The following EPHA3 variants were observed in gnomAD, a reference collection of about 807,000 sequenced individuals.
The protein encoded by EPHA3 is EPH receptor A3.
Under a neutral mutation model 107.1 loss-of-function variants are expected in EPHA3, and 42 were observed. The ratio of observed to expected loss-of-function variants is 0.39; its 90% CI spans 0.31 to 0.51. EPHA3 has a LOEUF of 0.51. Among genes scored for constraint, EPHA3 ranks in the 20% least tolerant of loss-of-function variants. The pLI is 0.78. For missense variants in EPHA3, 1,183 were observed against 1,211.2 expected (o/e 0.98, Z 0.35); for synonymous variants, 461 against 424.8 (o/e 1.09, Z -1.05).
intron 2 of EPHA3, among the ~76,000 whole-genome samples, chr3:89,135,253 A>T (rs965527994): frequency 2.0e-5 from 3 of 152,042 alleles, no homozygotes; most frequent in African/African-American, 7.2e-5. Context: ...CTAGCATACA[A>T]CACCTGATAA....
chr3:89,376,284 A>C (rs1429316528), intron 5 of EPHA3, among the ~76,000 whole-genome samples: 1 of 151,860 alleles, frequency 6.6e-6, no homozygotes, highest in African/African-American at 2.4e-5. Flanking sequence ...ATAAAAGAAT[A>C]CATGAATCTA....
In EPHA3 at chr3:89,381,139, A is replaced by AT. The variant is rs542220320; in HGVS notation, c.1307-14692dup. Among the ~76,000 whole-genome samples the AT allele has an allele frequency of 6.2e-3, 945 of 151,414 alleles. 9 individuals are homozygous for AT. Among genetic ancestry groups the AT allele is most frequent in the African/African-American group, 0.022 (916 of 41,324 alleles). On this transcript the variant is annotated intron_variant, in intron 5 of 16. Transcript: ENST00000336596. ...AGGCACCCGCCACCACGCCTGGCTA[A>AT]TTTTTTGTATTTTTAGTAGAGACGG... is the stretch of plus-strand genomic sequence containing the variant.
At chr3:89,230,923 G>A (rs538267378) in intron 3 of EPHA3, among the ~76,000 whole-genome samples, 34 of 151,478 alleles carry the variant, frequency 2.2e-4, no homozygotes, top group African/African-American at 7.8e-4. Flanking sequence ...TGATGTACAG[G>A]CATGGTCGTG....
intron 15 of EPHA3, among the ~76,000 whole-genome samples, chr3:89,470,163 G>A (rs1027674549): frequency 2.6e-5 from 4 of 151,954 alleles, no homozygotes; most frequent in Non-Finnish European, 4.4e-5. Context: ...TCAAGCATTT[G>A]CAGTGGAATG....
chr3:89,435,091 A>C (rs1709640560), intron 13 of EPHA3, among the ~76,000 whole-genome samples: 1 of 152,120 alleles, frequency 6.6e-6, no homozygotes, highest in South Asian at 2.1e-4. Context: ...CAATTTTTTA[A>C]AAAAACAAAT....
At chr3:89,254,231 ATT>A (rs1201922559) in intron 3 of EPHA3, among the ~76,000 whole-genome samples, 1 of 152,170 alleles carries the variant, frequency 6.6e-6, no homozygotes, top group African/African-American at 2.4e-5. Flanking sequence ...TGGAATTTGC[ATT>A]GTTTAGTTAA....
chr3:89,410,843 G>T (rs1453953413), intron 9 of EPHA3, among the ~76,000 whole-genome samples: 1 of 151,684 alleles, frequency 6.6e-6, no homozygotes, highest in Non-Finnish European at 1.5e-5. Flanking sequence ...AAAGGTAAAG[G>T]GTTTTAGTAC....
chr3:89,314,320 TA>T (rs1706840852), intron 3 of EPHA3, among the ~76,000 whole-genome samples: 2 of 152,080 alleles, frequency 1.3e-5, no homozygotes, highest in Admixed American at 1.3e-4. Context: ...TTTCTTCTCA[TA>T]GTGATGTTAG....
intron 13 of EPHA3, among the ~76,000 whole-genome samples, chr3:89,445,519 C>T (rs1709862304): frequency 6.6e-6 from 1 of 152,118 alleles, no homozygotes; most frequent in Non-Finnish European, 1.5e-5. Context: ...ATAGTAGTAT[C>T]TGGATAAATT....
chr3:89,307,506 G>A (rs1275261220), intron 3 of EPHA3, among the ~76,000 whole-genome samples: 1 of 152,116 alleles, frequency 6.6e-6, no homozygotes, highest in Non-Finnish European at 1.5e-5. Context: ...TTGTCTAAAT[G>A]GTATATATAT....
At chr3:89,188,767 A>G (rs148812511) in intron 2 of EPHA3, among the ~76,000 whole-genome samples, 126 of 152,266 alleles carry the variant, frequency 8.3e-4, no homozygotes, top group African/African-American at 2.9e-3. Context: ...TCTTCTTCAC[A>G]TCATTCACAC....
At chr3:89,185,706 C>T (rs866576253) in intron 2 of EPHA3, among the ~76,000 whole-genome samples, 1 of 152,040 alleles carries the variant, frequency 6.6e-6, no homozygotes, top group South Asian at 2.1e-4. Flanking sequence ...TTCCACACAG[C>T]TCTCCCTTTC....
At chr3:89,307,150 C>T (rs1323253538) in intron 3 of EPHA3, among the ~76,000 whole-genome samples, 2 of 152,082 alleles carry the variant, frequency 1.3e-5, no homozygotes, top group African/African-American at 4.8e-5. Context: ...AAAGCTAGTT[C>T]TCTAAAACAA....
intron 16 of EPHA3, among the ~76,000 whole-genome samples, chr3:89,474,443 C>A (rs1434634412): frequency 1.3e-5 from 2 of 152,094 alleles, no homozygotes; most frequent in African/African-American, 2.4e-5. Flanking sequence ...TTTATAAATT[C>A]TTATTTTAGT....
intron 13 of EPHA3, among the ~76,000 whole-genome samples, chr3:89,434,178 G>C (rs1709621398): frequency 6.6e-6 from 1 of 151,848 alleles, no homozygotes; most frequent in Admixed American, 6.6e-5. Flanking sequence ...TATTCAGTCA[G>C]GTTCTAATTT....
At chr3:89,327,679 AG>A (rs1374437074) in intron 3 of EPHA3, among the ~76,000 whole-genome samples, 1 of 152,112 alleles carries the variant, frequency 6.6e-6, no homozygotes, top group African/African-American at 2.4e-5. Flanking sequence ...AAGTTTTTTT[AG>A]GCATCTTTTC....
chr3:89,356,032 G>A (rs144681692), intron 5 of EPHA3, among the ~76,000 whole-genome samples: 5,099 of 124,580 alleles, frequency 0.041, 329 homozygotes, highest in African/African-American at 0.15. Flanking sequence ...CCCTTCCTGT[G>A]TCCATGTGTT....
chr3:89,282,784 A>T (rs563815158), intron 3 of EPHA3, among the ~76,000 whole-genome samples: 2 of 152,218 alleles, frequency 1.3e-5, no homozygotes, highest in Non-Finnish European at 2.9e-5. Flanking sequence ...TCTTTATGAG[A>T]AATAAACAGT....
At chr3:89,294,235 C>G (rs1379756310) in intron 3 of EPHA3, among the ~76,000 whole-genome samples, 1 of 152,016 alleles carries the variant, frequency 6.6e-6, no homozygotes, top group Non-Finnish European at 1.5e-5. Flanking sequence ...TTCCAAAGTA[C>G]GAGTCTTAGT....
Sources: gnomAD v4.1 joint callset for allele counts (sites outside exome capture counted in the v4.1 genomes callset) on GRCh38, gnomAD v4.1.1 for gene constraint, MANE v1.5 for transcripts, NCBI Gene and HGNC (gene_info 2026-07-23, HGNC 2026-07-21) for gene names.